The following SLC38A12 variants were observed in gnomAD, a reference collection of about 807,000 sequenced individuals.
SLC38A12 encodes solute carrier family 38 member 12.
chr17:74,781,924 C>T, the SLC38A12 span, among the ~76,000 whole-genome samples: 1 of 152,260 alleles, frequency 6.6e-6, no homozygotes, highest in Non-Finnish European at 1.5e-5. Flanking sequence ...GCCTCTTTCC[C>T]ACTGTAGGCC....
chr17:74,795,204 A>T, the SLC38A12 span: 1 of 1,070,044 alleles, frequency 9.3e-7, no homozygotes, highest in Non-Finnish European at 1.4e-6. Context: ...CACCATGCCA[A>T]GTGAGTTCAT....
the SLC38A12 span, among the ~76,000 whole-genome samples, chr17:74,819,039 A>T: frequency 1.3e-5 from 2 of 152,212 alleles, no homozygotes; most frequent in Non-Finnish European, 2.9e-5. Flanking sequence ...GAGAGGACCC[A>T]TGCTGACCAG....
chr17:74,833,595 G>A, the SLC38A12 span, among the ~76,000 whole-genome samples: 1,393 of 152,334 alleles, frequency 9.1e-3, 25 homozygotes, highest in African/African-American at 0.028. Context: ...AGAGAAGCAC[G>A]AGCTGTGTCC....
chr17:74,779,749 A>G, the SLC38A12 span, among the ~76,000 whole-genome samples: 1 of 152,238 alleles, frequency 6.6e-6, no homozygotes, highest in African/African-American at 2.4e-5. Context: ...CGTGTGCTTC[A>G]GCCCACGCGC....
the SLC38A12 span, among the ~76,000 whole-genome samples, chr17:74,829,089 C>G: frequency 2.0e-5 from 3 of 152,284 alleles, no homozygotes; most frequent in East Asian, 3.9e-4. This position sits in a 1 kb window ranked among gnomAD's most constrained non-coding sequence, Gnocchi z 4.1. Flanking sequence ...AAAAAAATGA[C>G]AAGTGGGATA....
the SLC38A12 span, among the ~76,000 whole-genome samples, chr17:74,824,786 C>T: frequency 6.6e-6 from 1 of 152,186 alleles, no homozygotes; most frequent in Non-Finnish European, 1.5e-5. Context: ...TGTGGATGAA[C>T]TTGAGCCTGC....
At chr17:74,794,873 A>AC in the SLC38A12 span, 1 of 707,436 alleles carries the variant, frequency 1.4e-6, no homozygotes, top group Non-Finnish European at 2.4e-6. Flanking sequence ...TCATTTTCCC[A>AC]CTTTTTGTAG....
the SLC38A12 span, among the ~76,000 whole-genome samples, chr17:74,809,812 T>C: frequency 6.6e-6 from 1 of 152,150 alleles, no homozygotes; most frequent in African/African-American, 2.4e-5. Context: ...TCTTCCAGGT[T>C]CCCCAGCATC....
chr17:74,836,495 C>T, the SLC38A12 span: 5 of 1,611,672 alleles, frequency 3.1e-6, no homozygotes, highest in Admixed American at 3.3e-5. This position sits in a 1 kb window ranked among gnomAD's most constrained non-coding sequence, Gnocchi z 4.2. Context: ...GCACCGGCAT[C>T]CAGTACGTCA....
the SLC38A12 span, among the ~76,000 whole-genome samples, chr17:74,798,427 C>A: frequency 6.6e-6 from 1 of 152,224 alleles, no homozygotes; most frequent in African/African-American, 2.4e-5. Flanking sequence ...CTCCCAGTGG[C>A]CTCCCAAAGC....
At chr17:74,821,849 A>G in the SLC38A12 span, among the ~76,000 whole-genome samples, 2 of 152,196 alleles carry the variant, frequency 1.3e-5, no homozygotes, top group Non-Finnish European at 2.9e-5. Context: ...CCCGCCCCTC[A>G]GCACTGGGGA....
chr17:74,807,826 C>T, the SLC38A12 span, among the ~76,000 whole-genome samples: 1 of 152,182 alleles, frequency 6.6e-6, no homozygotes, highest in Non-Finnish European at 1.5e-5. Flanking sequence ...CACACATGCC[C>T]TCTGCCCCAC....
chr17:74,837,449 G>A, the SLC38A12 span: 61 of 985,424 alleles, frequency 6.2e-5, no homozygotes, highest in South Asian at 9.4e-5. Flanking sequence ...TGCTGCCCTC[G>A]CTGCCCCACT....
At chr17:74,782,669 G>T in the SLC38A12 span, among the ~76,000 whole-genome samples, 1 of 152,182 alleles carries the variant, frequency 6.6e-6, no homozygotes. Flanking sequence ...TGGGCTGTGT[G>T]TCCCCTGTCT....
the SLC38A12 span, among the ~76,000 whole-genome samples, chr17:74,804,629 T>C: frequency 6.6e-6 from 1 of 152,356 alleles, no homozygotes; most frequent in Non-Finnish European, 1.5e-5. Flanking sequence ...TGGCAGCAGA[T>C]ACCCCATGTG....
the SLC38A12 span, among the ~76,000 whole-genome samples, chr17:74,780,607 C>A: frequency 6.6e-6 from 1 of 152,190 alleles, no homozygotes; most frequent in South Asian, 2.1e-4. Flanking sequence ...CCTGACCCAA[C>A]CTGTGGCTCA....
chr17:74,837,493 C>A, the SLC38A12 span: 1 of 985,466 alleles, frequency 1.0e-6, no homozygotes, highest in Non-Finnish European at 1.2e-6. Context: ...TGCAGGTGGT[C>A]CTACTAGAGG....
the SLC38A12 span, among the ~76,000 whole-genome samples, chr17:74,817,063 C>T: frequency 1.9e-3 from 266 of 142,288 alleles, no homozygotes; most frequent in African/African-American, 6.5e-3. Context: ...GGCGTGGCAG[C>T]GCATGCCATT....
the SLC38A12 span, among the ~76,000 whole-genome samples, chr17:74,820,507 G>A: frequency 2.0e-5 from 3 of 152,374 alleles, no homozygotes; most frequent in East Asian, 5.8e-4. Context: ...TCTGGGAAAG[G>A]GCCAGCTGCC....
Sources: allele counts gnomAD v4.1 joint callset (sites outside exome capture counted in the v4.1 genomes callset), GRCh38; gene constraint gnomAD v4.1.1; non-coding constraint Gnocchi (gnomAD v3.1); transcripts MANE v1.5; gene names NCBI Gene and HGNC (gene_info 2026-07-23, HGNC 2026-07-21).